IRAK2: variants seen among roughly 807,000 people sequenced by gnomAD.
The protein encoded by IRAK2 is interleukin 1 receptor associated kinase 2.
A neutral mutation model predicts 72.0 loss-of-function variants in IRAK2; 57 were observed. The observed-to-expected ratio is 0.79, with a 90% CI of 0.64 to 0.99. The LOEUF (loss-of-function observed/expected upper bound fraction) is 0.99, where lower values mean the gene tolerates loss of function less well. IRAK2 is among the 50% of genes least tolerant of loss of function. The pLI, the probability that IRAK2 is intolerant of heterozygous loss-of-function variation, is 0.00. For synonymous variants in IRAK2, 293 were observed against 312.7 expected (o/e 0.94, Z 0.67); for missense variants, 790 against 794.4 (o/e 0.99, Z 0.07).
intron 2 of IRAK2, among the ~76,000 whole-genome samples, chr3:10,193,234 C>A (rs1453736854): frequency 6.6e-6 from 1 of 152,164 alleles, no homozygotes; most frequent in Non-Finnish European, 1.5e-5. Flanking sequence ...TGCCCCTCCC[C>A]CATTTCCTCC....
intron 8 of IRAK2, among the ~76,000 whole-genome samples, chr3:10,222,045 G>A (rs780185830): frequency 6.6e-6 from 1 of 151,978 alleles, no homozygotes; most frequent in Non-Finnish European, 1.5e-5. Flanking sequence ...ACACCACCAC[G>A]GCTGGTTAAT....
At chr3:10,172,392 G>A (rs1172214508) in intron 1 of IRAK2, among the ~76,000 whole-genome samples, 2 of 151,638 alleles carry the variant, frequency 1.3e-5, no homozygotes, top group African/African-American at 2.4e-5. Context: ...CAAAAAATTA[G>A]CCAGGTGTGA....
intron 4 of IRAK2, among the ~76,000 whole-genome samples, chr3:10,210,695 T>C (rs1697504088): frequency 1.3e-5 from 2 of 152,010 alleles, no homozygotes; most frequent in African/African-American, 4.8e-5. Flanking sequence ...GAGACCAGCC[T>C]AGGCAACACA....
At position 10,229,290 on chromosome 3, in the gene IRAK2, C is replaced by T. The variant is rs552890457; in HGVS notation, c.1272+2857C>T. ...GATAGGGAGGGGTCTTGCCCTGTCA[C>T]CCAGGCCAGAGTGCAGTGGCATGAT... is the stretch of plus-strand genomic sequence containing the variant. On this transcript the variant is annotated intron_variant, in intron 10 of 12. Coordinates refer to ENST00000256458, the MANE Select transcript of IRAK2 (RefSeq NM_001570.4). Among the ~76,000 whole-genome samples the T allele has an allele frequency of 4.6e-5, 7 of 152,236 alleles. No homozygotes were observed. In the East Asian group the frequency reaches 1.4e-3, roughly 29 times the overall value.
chr3:10,169,384 C>A (rs1028251185), intron 1 of IRAK2, among the ~76,000 whole-genome samples: 2 of 152,134 alleles, frequency 1.3e-5, no homozygotes, highest in African/African-American at 4.8e-5. Context: ...ATATTTCATC[C>A]CTTATCTCAA....
At chr3:10,232,985 A>C (rs1369290530) in intron 10 of IRAK2, among the ~76,000 whole-genome samples, 3 of 152,152 alleles carry the variant, frequency 2.0e-5, no homozygotes, top group African/African-American at 7.2e-5. Flanking sequence ...GATCGATTGA[A>C]TCGAGGAGGT....
Position 10,226,453 on chromosome 3 carries a change from C to T in IRAK2, c.1272+20C>T, listed in dbSNP as rs1326948003. The T allele has an allele frequency of 6.2e-7, 1 of 1,607,726 alleles. No homozygotes were observed. The highest frequency in any genetic ancestry group is 8.5e-7 in the Non-Finnish European group (1 of 1,175,844). On this transcript the variant is annotated intron_variant, in intron 10 of 12. Transcript: ENST00000256458. ...TACCTGGTAAGGGAACTTGTCACAT[C>T]TGGCTGGGAGGTATATTTGGGCCTC...
At chr3:10,168,242 G>C (rs551190839) in intron 1 of IRAK2, among the ~76,000 whole-genome samples, 1 of 145,058 alleles carries the variant, frequency 6.9e-6, no homozygotes, top group South Asian at 2.1e-4. Context: ...ACAGAGTCTC[G>C]CTCTGTCGCT....
chr3:10,183,975 C>T (rs557453620), intron 2 of IRAK2, among the ~76,000 whole-genome samples: 5 of 152,304 alleles, frequency 3.3e-5, no homozygotes, highest in Non-Finnish European at 7.3e-5. Flanking sequence ...CAGGCTGCCC[C>T]GGGCTCAAGT....
chr3:10,207,421 G>A (rs1697448928), intron 3 of IRAK2, among the ~76,000 whole-genome samples: 1 of 152,116 alleles, frequency 6.6e-6, no homozygotes, highest in African/African-American at 2.4e-5. Context: ...CTTGCCATGG[G>A]GCTTCCTAGG....
At chr3:10,225,580 T>G (rs1382785132) in intron 9 of IRAK2, among the ~76,000 whole-genome samples, 1 of 152,122 alleles carries the variant, frequency 6.6e-6, no homozygotes, top group Non-Finnish European at 1.5e-5. Flanking sequence ...GGCCTGTGAG[T>G]GAAACATGCT....
intron 10 of IRAK2, among the ~76,000 whole-genome samples, chr3:10,233,084 C>G (rs1431592458): frequency 6.6e-6 from 1 of 152,132 alleles, no homozygotes; most frequent in Non-Finnish European, 1.5e-5. Flanking sequence ...GAGTCTCACT[C>G]TGTCGCCCAG....
intron 2 of IRAK2, among the ~76,000 whole-genome samples, chr3:10,197,539 C>T (rs115262286): frequency 7.9e-5 from 12 of 152,044 alleles, no homozygotes; most frequent in Non-Finnish European, 1.6e-4. Context: ...AGCAGTGTCT[C>T]CATTAGTCTT....
chr3:10,230,949 C>T (rs1697851593), intron 10 of IRAK2, among the ~76,000 whole-genome samples: 1 of 151,802 alleles, frequency 6.6e-6, no homozygotes, highest in Non-Finnish European at 1.5e-5. Context: ...GACAGGGTTT[C>T]ACCATGTTGG....
intron 8 of IRAK2, among the ~76,000 whole-genome samples, chr3:10,221,955 C>T (rs575765230): frequency 6.6e-5 from 10 of 152,032 alleles, no homozygotes; most frequent in Non-Finnish European, 1.3e-4. Flanking sequence ...ACTCTGTTGC[C>T]CAGGCTGGAG....
chr3:10,182,340 T>C (rs1696972885), intron 2 of IRAK2, among the ~76,000 whole-genome samples: 1 of 149,904 alleles, frequency 6.7e-6, no homozygotes. Context: ...TGGAGTGCGG[T>C]GGCACGATCT....
chr3:10,213,064 G>A (rs1384635475), intron 4 of IRAK2, 143 bp from the exon 5 acceptor site: 26 of 707,716 alleles, frequency 3.7e-5, no homozygotes, highest in Admixed American at 8.5e-5. Flanking sequence ...CACCGTGCCC[G>A]GCCTATCCAT....
rs1011450054 is a variant in IRAK2 at position 10,213,045 on chromosome 3, G to A, written c.529-162G>A. Reference sequence around the variant, plus strand: ...GGCCTCCCAAAGTGCTGGGATTACAGGCGTGAGCCACCGTGCCCGGCCTAT... The same window carrying A: ...GGCCTCCCAAAGTGCTGGGATTACAAGCGTGAGCCACCGTGCCCGGCCTAT... On this transcript the variant is annotated intron_variant, in intron 4 of 12. Transcript: ENST00000256458. Among the ~76,000 whole-genome samples the A allele has an allele frequency of 2.0e-5, 3 of 152,158 alleles. No individual in the cohort carries two copies. The South Asian group carries it at 6.2e-4, about 32-fold the overall frequency.
At chr3:10,241,231 T>G (rs990251873) in intron 12 of IRAK2, among the ~76,000 whole-genome samples, 3 of 147,640 alleles carry the variant, frequency 2.0e-5, no homozygotes, top group Non-Finnish European at 4.5e-5. Context: ...GGCAACATGG[T>G]GAAAACCTGT....
Sources: gnomAD v4.1 joint callset for allele counts (sites outside exome capture counted in the v4.1 genomes callset) on GRCh38, gnomAD v4.1.1 for gene constraint, MANE v1.5 for transcripts, NCBI Gene and HGNC (gene_info 2026-07-23, HGNC 2026-07-21) for gene names.